TEX14: variants seen among roughly 807,000 people sequenced by gnomAD.
TEX14 encodes testis expressed 14, intercellular bridge forming factor, also known as inactive serine/threonine-protein kinase TEX14.
In TEX14, 168 loss-of-function variants were observed where a neutral mutation model predicts 178.6. The ratio of observed to expected loss-of-function variants is 0.94; its 90% CI spans 0.83 to 1.07. TEX14 has a LOEUF of 1.07. TEX14 is among the 50% of genes least tolerant of loss of function. The pLI is 0.00. For missense variants in TEX14, 1,730 were observed against 1,753.6 expected (o/e 0.99, Z 0.24); for synonymous variants, 626 against 634.1 (o/e 0.99, Z 0.19).
At chr17:58,644,538 G>C (rs932604297) in intron 2 of TEX14, among the ~76,000 whole-genome samples, 3 of 151,098 alleles carry the variant, frequency 2.0e-5, no homozygotes, top group East Asian at 1.9e-4. Flanking sequence ...CACCATGTTG[G>C]TCAAGCTGTC....
At chr17:58,660,594 G>A (rs574245628) in intron 1 of TEX14, 22 of 796,376 alleles carry the variant, frequency 2.8e-5, no homozygotes, top group Admixed American at 2.6e-4. Context: ...ATGTTCTGTC[G>A]GTTGCCGTAG....
intron 5 of TEX14, among the ~76,000 whole-genome samples, chr17:58,621,012 A>T (rs1488137542): frequency 6.6e-6 from 1 of 152,184 alleles, no homozygotes; most frequent in Non-Finnish European, 1.5e-5. Flanking sequence ...TACCCTGCTT[A>T]CAGAAAGAGA....
intron 2 of TEX14, among the ~76,000 whole-genome samples, chr17:58,631,356 AACT>A (rs1206258773): frequency 6.6e-6 from 1 of 152,088 alleles, no homozygotes; most frequent in Non-Finnish European, 1.5e-5. Context: ...CTACTTGAGA[AACT>A]GAAGCATGAG....
chr17:58,642,558 G>C (rs1033030791), intron 2 of TEX14, among the ~76,000 whole-genome samples: 1 of 149,540 alleles, frequency 6.7e-6, no homozygotes, highest in African/African-American at 2.5e-5. Context: ...ATGGAGTTTC[G>C]CTCTTGTTGA....
intron 6 of TEX14, among the ~76,000 whole-genome samples, chr17:58,617,321 T>C (rs1196202916): frequency 1.3e-5 from 2 of 152,210 alleles, no homozygotes; most frequent in South Asian, 2.1e-4. Context: ...AACTCAAGTG[T>C]AGCCCAGGGT....
intron 2 of TEX14, among the ~76,000 whole-genome samples, chr17:58,643,517 C>T (rs915967674): frequency 2.6e-5 from 4 of 151,810 alleles, no homozygotes; most frequent in African/African-American, 9.7e-5. Context: ...GTCTGTCCTC[C>T]CATCTATGGG....
At chr17:58,653,690 A>G (rs1481930154) in intron 1 of TEX14, among the ~76,000 whole-genome samples, 2 of 152,126 alleles carry the variant, frequency 1.3e-5, no homozygotes, top group Non-Finnish European at 2.9e-5. Flanking sequence ...GCTGCAACCC[A>G]GTGTCTCACT....
chr17:58,567,420 ATAAGATCATT>A (rs2044425167), intron 26 of TEX14, among the ~76,000 whole-genome samples: 1 of 152,160 alleles, frequency 6.6e-6, no homozygotes, highest in Non-Finnish European at 1.5e-5. Flanking sequence ...AAGGGTCCCC[ATAAGATCATT>A]TAATATAATT....
At chr17:58,625,609 A>G (rs1399902527) in intron 3 of TEX14, among the ~76,000 whole-genome samples, 1 of 152,232 alleles carries the variant, frequency 6.6e-6, no homozygotes, top group African/African-American at 2.4e-5. Flanking sequence ...GTGTACTATC[A>G]TATTTATTTA....
At chr17:58,620,655 G>A (rs568758858) in intron 5 of TEX14, among the ~76,000 whole-genome samples, 25 of 152,138 alleles carry the variant, frequency 1.6e-4, no homozygotes, top group Middle Eastern at 3.4e-3. Context: ...CACCACACCC[G>A]GCTAATTTTT....
intron 22 of TEX14, 95 bp from the exon 23 acceptor site, chr17:58,573,403 A>G (rs2044589477): frequency 4.4e-5 from 56 of 1,276,072 alleles, no homozygotes; most frequent in Non-Finnish European, 6.1e-5. Context: ...TAATCTTAAC[A>G]AAATTTGTAT....
At chr17:58,567,277 A>G (rs1365123116) in intron 26 of TEX14, among the ~76,000 whole-genome samples, 1 of 152,180 alleles carries the variant, frequency 6.6e-6, no homozygotes, top group East Asian at 1.9e-4. Context: ...AGTGCTCTGC[A>G]AAGCAAAGCA....
At chr17:58,670,049 T>C (rs536785100) in intron 1 of TEX14, among the ~76,000 whole-genome samples, 1 of 152,316 alleles carries the variant, frequency 6.6e-6, no homozygotes, top group African/African-American at 2.4e-5. Flanking sequence ...CCTCAGAGCC[T>C]TTGCCTGTGT....
intron 1 of TEX14, among the ~76,000 whole-genome samples, chr17:58,663,786 C>T (rs2143399790): frequency 1.3e-5 from 2 of 152,272 alleles, no homozygotes; most frequent in Middle Eastern, 3.4e-3. Context: ...TCTTACTCAA[C>T]ACCCTGAGTT....
rs951267104 is a variant in TEX14 at position 58,643,550 on chromosome 17, A to T, written c.136+8316T>A. Among the ~76,000 whole-genome samples the T allele has an allele frequency of 1.7e-4, 24 of 137,438 alleles. 1 individual carries two copies. Among genetic ancestry groups the T allele is most frequent in the South Asian group, 1.5e-3 (6 of 4,114 alleles). The allele number at this position is 137,438 out of a possible 152,430, so 90.2% of individuals were successfully genotyped here. On this transcript the variant is annotated intron_variant, in intron 2 of 31. Transcript: ENST00000349033. The stretch of plus-strand genomic sequence containing the variant: ...GGGAGGACTATGGGGCAACATAGTG[A>T]GACCCTGTCTCAAAAATGAAAAAAA...
At chr17:58,565,240 A>G (rs2044373526) in intron 27 of TEX14, among the ~76,000 whole-genome samples, 1 of 152,192 alleles carries the variant, frequency 6.6e-6, no homozygotes, top group African/African-American at 2.4e-5. Flanking sequence ...AGACAGAGGA[A>G]GCTGAAGAAA....
At chr17:58,646,834 G>A (rs1285635869) in intron 2 of TEX14, among the ~76,000 whole-genome samples, 2 of 151,884 alleles carry the variant, frequency 1.3e-5, no homozygotes, top group African/African-American at 4.8e-5. Flanking sequence ...GTCATAATCT[G>A]TAACAATCGG....
chr17:58,664,711 A>C (rs747346187), intron 1 of TEX14, among the ~76,000 whole-genome samples: 7 of 152,220 alleles, frequency 4.6e-5, no homozygotes, highest in Non-Finnish European at 1.0e-4. Flanking sequence ...CTCTGATAAA[A>C]TATATACATT....
chr17:58,682,416 C>G (rs138640588), intron 1 of TEX14, among the ~76,000 whole-genome samples: 180 of 152,166 alleles, frequency 1.2e-3, no homozygotes, highest in African/African-American at 4.3e-3. Flanking sequence ...TGCCACCATG[C>G]CCGGCTAGTT....
Sources: allele counts gnomAD v4.1 joint callset (sites outside exome capture counted in the v4.1 genomes callset), GRCh38; gene constraint gnomAD v4.1.1; transcripts MANE v1.5; gene names NCBI Gene and HGNC (gene_info 2026-07-23, HGNC 2026-07-21).